Variants in TNRC18 observed in about 807,000 individuals in gnomAD.
TNRC18 encodes trinucleotide repeat containing 18.
A neutral mutation model predicts 226.7 loss-of-function variants in TNRC18; 69 were observed. The ratio of observed to expected loss-of-function variants is 0.30; its 90% CI spans 0.25 to 0.37. TNRC18 has a LOEUF of 0.37. Ranked by LOEUF, TNRC18 falls within the 10% of genes least tolerant of loss-of-function variation. The probability of loss-of-function intolerance (pLI) is 1.00; values close to 1 mark genes in which losing one functional copy is unlikely to be tolerated. For synonymous variants in TNRC18, 2,449 were observed against 1,927.6 expected (o/e 1.27, Z -7.09); for missense variants, 4,754 against 4,256.6 (o/e 1.12, Z -3.25).
chr7:5,342,688 A>G (rs1448154135), intron 18 of TNRC18, among the ~76,000 whole-genome samples: 1 of 152,238 alleles, frequency 6.6e-6, no homozygotes, highest in African/African-American at 2.4e-5. Flanking sequence ...TGCTGTGAAC[A>G]CTGTTGAAAT....
At chr7:5,342,808 T>C (rs1790813285) in intron 18 of TNRC18, among the ~76,000 whole-genome samples, 1 of 152,200 alleles carries the variant, frequency 6.6e-6, no homozygotes. Context: ...GCTATCACAG[T>C]ATTGCATGTT....
chr7:5,349,055 C>T (rs1791508316), intron 17 of TNRC18, among the ~76,000 whole-genome samples: 1 of 152,186 alleles, frequency 6.6e-6, no homozygotes, highest in South Asian at 2.1e-4. Flanking sequence ...AAATCTTTCC[C>T]ATCCAGAGGA....
At chr7:5,325,554 G>A (rs1023615794) in intron 19 of TNRC18, 7 of 319,054 alleles carry the variant, frequency 2.2e-5, no homozygotes, top group South Asian at 1.8e-4. Flanking sequence ...CTCCCGAGTA[G>A]CTGGGACTAC....
rs772830144 is a variant in TNRC18 at position 5,332,726 on chromosome 7, C to T, written c.6043G>A (p.Val2015Ile). The T allele has an allele frequency of 2.2e-5, 34 of 1,525,224 alleles. No homozygotes were observed. The highest frequency in any genetic ancestry group is 2.7e-5 in the Non-Finnish European group (31 of 1,141,058). 94.5% of individuals were successfully genotyped at this position (1,525,224 alleles called of 1,614,324 possible). Reference protein sequence around the residue: ...HDASAAAPAPVSTAPATKTSR... With the variant: ...HDASAAAPAPISTAPATKTSR... The stretch of plus-strand genomic sequence containing the variant: ...GTCTTGGTGGCGGGCGCGGTGCTGA[C>T]GGGCGCAGGTGCAGCAGCCGAGGCG... The change falls in exon 19 of 30, where the codon GTC (valine) becomes ATC (isoleucine). Residue 2015 changes from valine to isoleucine, a missense_variant. Transcript: ENST00000430969.
At chr7:5,380,536 C>T (rs1000758172) in intron 5 of TNRC18, among the ~76,000 whole-genome samples, 1 of 152,216 alleles carries the variant, frequency 6.6e-6, no homozygotes, top group Non-Finnish European at 1.5e-5. Flanking sequence ...CCTGCAGGAC[C>T]GAGTGTACGG....
intron 17 of TNRC18, among the ~76,000 whole-genome samples, chr7:5,351,477 G>GT (rs1355371634): frequency 6.6e-6 from 1 of 150,546 alleles, no homozygotes; most frequent in Non-Finnish European, 1.5e-5. Flanking sequence ...GAAAACGTGA[G>GT]TGCGGGGGTG....
rs1412513181 is a variant in TNRC18 at position 5,370,934 on chromosome 7, T to G, written c.3660A>C (p.Pro1220=). The G allele has an allele frequency of 1.2e-6, 2 of 1,605,374 alleles. No individual in the cohort carries two copies. Among genetic ancestry groups the G allele is most frequent in the Non-Finnish European group, 1.7e-6 (2 of 1,179,744 alleles). The change falls in exon 11 of 30, where the codon CCA becomes CCC. Residue 1220 remains proline (P), a synonymous_variant. Transcript: ENST00000430969. ...GQSCAEPSEC[P]DFVEGPEPRV... ...GTGGTTCAGGCCCCTCCACAAAGTCTGGACACTCAGAGGGCTCTGCGCAGC... is the reference window on the plus strand; with the variant it reads ...GTGGTTCAGGCCCCTCCACAAAGTCGGGACACTCAGAGGGCTCTGCGCAGC...
Position 5,312,403 on chromosome 7 carries a change from G to A in TNRC18, c.8388+100C>T. Reference sequence around the variant, plus strand: ...CCAGCCCTCCACCCTGGGGTTCTGGGAGGTTACCACACACGGAGACACAGC... The same window carrying A: ...CCAGCCCTCCACCCTGGGGTTCTGGAAGGTTACCACACACGGAGACACAGC... On this transcript the variant is annotated intron_variant, in intron 27 of 29. Coordinates refer to ENST00000430969, the MANE Select transcript of TNRC18 (RefSeq NM_001080495.3). This position sits in a 1 kb window ranked among gnomAD's most constrained non-coding sequence, Gnocchi z 6.3. 1 of 1,472,434 alleles carries A rather than the reference G, an allele frequency of 6.8e-7. No homozygotes were observed. Among genetic ancestry groups the A allele is most frequent in the Non-Finnish European group, 9.0e-7 (1 of 1,115,814 alleles). 91.2% of individuals were successfully genotyped at this position (1,472,434 alleles called of 1,614,324 possible). A position where few individuals can be genotyped will look rare whatever the true frequency, so the allele number is the denominator to read the frequency against.
At position 5,312,063 on chromosome 7, in the gene TNRC18, G is replaced by T. The variant is rs1001396985; in HGVS notation, c.8388+440C>A. The stretch of plus-strand genomic sequence containing the variant: ...ACGCAGGAGAATTGCTTGAACCCGG[G>T]AGGCAGAGGGTGCAGTAAGCCAAGA... On this transcript the variant is annotated intron_variant, in intron 27 of 29. Coordinates refer to ENST00000430969, the MANE Select transcript of TNRC18 (RefSeq NM_001080495.3). This position sits in a 1 kb window ranked among gnomAD's most constrained non-coding sequence, Gnocchi z 6.3. 6.6e-6 allele frequency among the ~76,000 whole-genome samples: 1 copy of T among 152,120 alleles called. No homozygotes were observed. Among genetic ancestry groups the T allele is most frequent in the African/African-American group, 2.4e-5 (1 of 41,420 alleles).
chr7:5,385,982 CAAAAA>C (rs1160231238), intron 5 of TNRC18, among the ~76,000 whole-genome samples: 4 of 41,530 alleles, frequency 9.6e-5, no homozygotes, highest in African/African-American at 1.6e-4. Flanking sequence ...AAGTCTGTCT[CAAAAA>C]AAAAAAAAAA....
intron 18 of TNRC18, among the ~76,000 whole-genome samples, chr7:5,343,384 A>G (rs1446553890): frequency 1.3e-5 from 2 of 152,212 alleles, no homozygotes; most frequent in South Asian, 2.1e-4. Flanking sequence ...ACTATTGCAC[A>G]CTTAAGAGAC....
intron 22 of TNRC18, chr7:5,320,809 G>C: frequency 1.6e-6 from 1 of 622,896 alleles, no homozygotes; most frequent in Non-Finnish European, 2.8e-6. Flanking sequence ...GCAAGGCACA[G>C]TCCAGATCCT....
chr7:5,368,960 T>G (rs1793896718), intron 11 of TNRC18, among the ~76,000 whole-genome samples: 1 of 152,064 alleles, frequency 6.6e-6, no homozygotes, highest in Non-Finnish European at 1.5e-5. Context: ...ACCCTCCCCC[T>G]TCCCTACACC....
chr7:5,308,157 C>T lies in TNRC18; in HGVS notation c.8856G>A (p.Glu2952=), dbSNP rs754644881. 44 of 1,573,918 alleles carry T rather than the reference C, an allele frequency of 2.8e-5. No individual in the cohort carries two copies. The highest frequency in any genetic ancestry group is 3.8e-5 in the Non-Finnish European group (44 of 1,160,818). ...EGLYYLAGTY[E]PTTGMIFSTD... ...TGGAGAAGATCATGCCCGTGGTGGGCTCGTAGGTGCCCGCGAGGTAGTACA... is the reference window on the plus strand; with the variant it reads ...TGGAGAAGATCATGCCCGTGGTGGGTTCGTAGGTGCCCGCGAGGTAGTACA... The change falls in exon 30 of 30, where the codon GAG becomes GAA. Residue 2952 remains glutamate (E), a synonymous_variant. Coordinates refer to ENST00000430969, the MANE Select transcript of TNRC18 (RefSeq NM_001080495.3).
intron 16 of TNRC18, among the ~76,000 whole-genome samples, chr7:5,355,539 G>A (rs1792271992): frequency 1.3e-5 from 2 of 152,164 alleles, no homozygotes; most frequent in Non-Finnish European, 2.9e-5. Flanking sequence ...CTTGCTTAAG[G>A]CCAGGAGTTC....
intron 18 of TNRC18, 45 bp downstream of exon 18, chr7:5,345,517 G>GGGGGGCCGCCCCCCCCCCCCCCC: frequency 2.6e-6 from 1 of 377,744 alleles, no homozygotes; most frequent in Non-Finnish European, 4.8e-6. Flanking sequence ...AATGGCGTCC[G>GGGGGGCCGCCCCCCCCCCCCCCC]CCCCTCCCAC....
intron 18 of TNRC18, among the ~76,000 whole-genome samples, chr7:5,336,425 G>A (rs569369160): frequency 6.6e-6 from 1 of 152,000 alleles, no homozygotes; most frequent in African/African-American, 2.4e-5. Context: ...AGAAACAACA[G>A]AAAAGAACCA....
chr7:5,394,275 T>C lies in TNRC18; in HGVS notation c.343+165A>G, dbSNP rs373633294. ...AGCTCATACAAATGCCCTGTGACAGTGACAAGAAGAAGCCCTGAGCGTTTG... is the reference window on the plus strand; with the variant it reads ...AGCTCATACAAATGCCCTGTGACAGCGACAAGAAGAAGCCCTGAGCGTTTG... On this transcript the variant is annotated intron_variant, in intron 3 of 29. Transcript: ENST00000430969. This position sits in a 1 kb window ranked among gnomAD's most constrained non-coding sequence, Gnocchi z 4.5. Among the ~76,000 whole-genome samples, 5 of 151,896 alleles carry C rather than the reference T, an allele frequency of 3.3e-5. No homozygotes were observed. The South Asian group carries it at 1.0e-3, about 32-fold the overall frequency.
At chr7:5,368,061 A>C (rs908219441) in intron 11 of TNRC18, among the ~76,000 whole-genome samples, 6 of 151,876 alleles carry the variant, frequency 4.0e-5, no homozygotes, top group Non-Finnish European at 8.8e-5. Context: ...GAAAAAAAAA[A>C]AACAACTTTG....
Sources: gnomAD v4.1 joint callset for allele counts (sites outside exome capture counted in the v4.1 genomes callset) on GRCh38, gnomAD v4.1.1 for gene constraint, Gnocchi (gnomAD v3.1) non-coding constraint, MANE v1.5 for transcripts, NCBI Gene and HGNC (gene_info 2026-07-23, HGNC 2026-07-21) for gene names.